The following PLXNA4 variants were observed in gnomAD, a reference collection of about 807,000 sequenced individuals.
PLXNA4 encodes plexin A4.
PLXNA4 carries 44 observed loss-of-function variants against 191.8 expected under a neutral mutation model. The observed-to-expected ratio is 0.23, with a 90% confidence interval of 0.18 to 0.29. The LOEUF is 0.29. Ranked by LOEUF, PLXNA4 falls within the 10% of genes least tolerant of loss-of-function variation. The probability of loss-of-function intolerance (pLI) is 1.00; values close to 1 mark genes in which losing one functional copy is unlikely to be tolerated. For synonymous variants in PLXNA4, 1,082 were observed against 1,009.5 expected, an observed-to-expected ratio of 1.07 and a Z score of -1.36; for missense variants, 1,800 against 2,488.8, an observed-to-expected ratio of 0.72 and a Z score of 5.89.
chr7:132,525,689 G>A (rs1005305799), intron 1 of PLXNA4, among the ~76,000 whole-genome samples: 1 of 152,154 alleles, frequency 6.6e-6, no homozygotes, highest in Admixed American at 6.5e-5. Context: ...CTTTTTGGGT[G>A]AAAACATGTC....
intron 1 of PLXNA4, among the ~76,000 whole-genome samples, chr7:132,520,470 C>T (rs921701324): frequency 1.3e-5 from 2 of 152,180 alleles, no homozygotes; most frequent in Admixed American, 6.5e-5. Context: ...GAAACTGCCC[C>T]ACCCACCCAA....
intron 9 of PLXNA4, 133 bp downstream of exon 9, chr7:132,223,394 C>G: frequency 1.4e-6 from 1 of 719,974 alleles, no homozygotes; most frequent in East Asian, 2.8e-5. Context: ...ATAAAGTGGA[C>G]CCTTAAGAGC....
intron 3 of PLXNA4, among the ~76,000 whole-genome samples, chr7:132,359,501 G>A (rs1387464533): frequency 6.6e-6 from 1 of 152,128 alleles, no homozygotes. Flanking sequence ...ACAGGCATGA[G>A]CTACCGTGCC....
intron 3 of PLXNA4, among the ~76,000 whole-genome samples, chr7:132,414,085 A>C (rs1402578590): frequency 6.6e-6 from 1 of 152,198 alleles, no homozygotes; most frequent in African/African-American, 2.4e-5. Context: ...ATATGCACCC[A>C]CTTGGACATC....
chr7:132,504,464 G>T (rs1488920627), intron 2 of PLXNA4, among the ~76,000 whole-genome samples: 1 of 152,220 alleles, frequency 6.6e-6, no homozygotes, highest in Non-Finnish European at 1.5e-5. Context: ...GATGTGGAAA[G>T]GGCTAGAAAA....
intron 1 of PLXNA4, among the ~76,000 whole-genome samples, chr7:132,546,661 G>A (rs1439323121): frequency 6.6e-6 from 1 of 152,142 alleles, no homozygotes; most frequent in Non-Finnish European, 1.5e-5. Context: ...GGAAATGATT[G>A]AAACAAATGC....
chr7:132,414,697 T>C (rs527371514), intron 3 of PLXNA4, among the ~76,000 whole-genome samples: 3 of 152,192 alleles, frequency 2.0e-5, no homozygotes, highest in Non-Finnish European at 4.4e-5. Context: ...TCCCCAGTCA[T>C]GTGGATTCCT....
At chr7:132,220,616 T>C (rs1798111050) in intron 9 of PLXNA4, among the ~76,000 whole-genome samples, 1 of 151,830 alleles carries the variant, frequency 6.6e-6, no homozygotes, top group African/African-American at 2.4e-5. Context: ...CTCGGCCATT[T>C]CCTCCAGACT....
intron 1 of PLXNA4, among the ~76,000 whole-genome samples, chr7:132,572,463 C>T (rs1402740456): frequency 1.3e-5 from 2 of 152,174 alleles, no homozygotes; most frequent in Non-Finnish European, 1.5e-5. Flanking sequence ...GCCACAGGAC[C>T]GGACAAGTGT....
intron 29 of PLXNA4, among the ~76,000 whole-genome samples, chr7:132,143,256 G>A (rs992402729): frequency 6.6e-6 from 1 of 152,120 alleles, no homozygotes; most frequent in Admixed American, 6.5e-5. Flanking sequence ...AGTCAGGGTT[G>A]GGGGAAAGTG....
intron 28 of PLXNA4, among the ~76,000 whole-genome samples, chr7:132,145,886 A>G (rs536508398): frequency 2.1e-5 from 3 of 144,366 alleles, no homozygotes; most frequent in South Asian, 2.2e-4. Flanking sequence ...CCTGGCCAAC[A>G]TGGTGAAACC....
intron 12 of PLXNA4, among the ~76,000 whole-genome samples, chr7:132,201,377 G>A (rs545323562): frequency 4.6e-5 from 7 of 152,324 alleles, no homozygotes; most frequent in East Asian, 1.9e-4. Flanking sequence ...GGTAAGGGGT[G>A]TAAAGGTGTG....
chr7:132,223,586 C>T lies in PLXNA4; in HGVS notation c.2038G>A (p.Val680Ile). The change falls in exon 9 of 32, where the codon GTC becomes ATC. Residue 680 changes from valine to isoleucine, a missense_variant. Physicochemically the swap from Val to Ile is conservative, Grantham distance 29 (BLOSUM62 3). Transcript: ENST00000321063. ...CAGGTCTTGGGGTCATGGGTGCAGA[C>T]ATGCCGGTATTTACACCAGTGGCAG... is the stretch of plus-strand genomic sequence containing the variant. ...YRCHWCKYRH[V>I]CTHDPKTCSF... 1.2e-6 allele frequency: 2 copies of T among 1,613,946 alleles called. No individual in the cohort carries two copies. Among genetic ancestry groups the T allele is most frequent in the Non-Finnish European group, 1.7e-6 (2 of 1,179,960 alleles).
intron 3 of PLXNA4, among the ~76,000 whole-genome samples, chr7:132,362,490 C>A (rs1033080769): frequency 2.0e-5 from 3 of 152,194 alleles, no homozygotes; most frequent in African/African-American, 7.2e-5. Context: ...GCTAGAAGTG[C>A]AGAGATGGGA....
intron 21 of PLXNA4, among the ~76,000 whole-genome samples, chr7:132,174,027 G>GTGAAA (rs1294684170): frequency 2.6e-5 from 4 of 152,180 alleles, no homozygotes; most frequent in Non-Finnish European, 5.9e-5. Flanking sequence ...TTCTTGGGAG[G>GTGAAA]TGAAATGAAT....
At chr7:132,310,565 CT>C (rs1801688784) in intron 3 of PLXNA4, among the ~76,000 whole-genome samples, 3 of 152,206 alleles carry the variant, frequency 2.0e-5, no homozygotes, top group African/African-American at 7.2e-5. Context: ...ACCACCAAAC[CT>C]CTTTCTAGCA....
chr7:132,151,532 G>A (rs1183004180), intron 25 of PLXNA4, among the ~76,000 whole-genome samples: 11 of 115,468 alleles, frequency 9.5e-5, no homozygotes, highest in Non-Finnish European at 2.1e-4. Flanking sequence ...GAGGAGAAAG[G>A]AGGAGGAGGA....
chr7:132,438,586 A>G (rs1162070182), intron 3 of PLXNA4, among the ~76,000 whole-genome samples: 1 of 152,220 alleles, frequency 6.6e-6, no homozygotes, highest in Non-Finnish European at 1.5e-5. Flanking sequence ...TCTAACATAT[A>G]TTTAAAAGTA....
Position 132,508,501 on chromosome 7 carries a change from A to G in PLXNA4, c.193T>C (p.Leu65=), listed in dbSNP as rs756805342. The G allele has an allele frequency of 9.3e-6, 15 of 1,614,160 alleles. No individual in the cohort carries two copies. Among genetic ancestry groups the G allele is most frequent in the East Asian group, 8.9e-5 (4 of 44,872 alleles). The change falls in exon 2 of 32, where the codon TTG becomes CTG. Residue 65 remains leucine, a synonymous_variant. Coordinates refer to ENST00000321063, the MANE Select transcript of PLXNA4 (RefSeq NM_020911.2). The surrounding 1 kb of genome is among the most constrained non-coding windows in gnomAD (Gnocchi z 4.4). ...VVDERTGHIY[L]GAVNRIYKLS... ...TTGTAAATCCGATTGACGGCCCCCA[A>G]GTAAATGTGTCCTGTCCTCTCATCC...
Sources: allele counts gnomAD v4.1 joint callset (sites outside exome capture counted in the v4.1 genomes callset), GRCh38; gene constraint gnomAD v4.1.1; non-coding constraint Gnocchi (gnomAD v3.1); transcripts MANE v1.5; gene names NCBI Gene and HGNC (gene_info 2026-07-23, HGNC 2026-07-21).